NCAM1: variants seen among roughly 807,000 people sequenced by gnomAD.
NCAM1 encodes the protein neural cell adhesion molecule 1.
A neutral mutation model predicts 109.8 loss-of-function variants in NCAM1; 14 were observed. The observed-to-expected ratio is 0.13, with a 90% confidence interval of 0.08 to 0.20. The LOEUF (loss-of-function observed/expected upper bound fraction) is 0.20, where lower values mean the gene tolerates loss of function less well. Among genes scored for constraint, NCAM1 ranks in the 10% least tolerant of loss-of-function variants. NCAM1 has a pLI of 1.00. For missense variants in NCAM1, 774 were observed against 1,109.9 expected, an observed-to-expected ratio of 0.70 and a Z score of 4.30; for synonymous variants, 418 against 442.9, an observed-to-expected ratio of 0.94 and a Z score of 0.70.
At chr11:113,141,406 C>A (rs961354182) in intron 1 of NCAM1, among the ~76,000 whole-genome samples, 13 of 152,108 alleles carry the variant, frequency 8.5e-5, no homozygotes, top group Non-Finnish European at 2.9e-5. Context: ...CCGAGGTGGG[C>A]AGATCATGAG....
At chr11:113,047,242 CTAAG>C (rs1408733785) in intron 1 of NCAM1, among the ~76,000 whole-genome samples, 21 of 152,106 alleles carry the variant, frequency 1.4e-4, no homozygotes, top group Admixed American at 3.9e-4. Flanking sequence ...ATTTATTTAA[CTAAG>C]TATTTATTGA....
chr11:113,114,150 G>A (rs536404521), intron 1 of NCAM1, among the ~76,000 whole-genome samples: 1 of 152,264 alleles, frequency 6.6e-6, no homozygotes, highest in African/African-American at 2.4e-5. Flanking sequence ...TTGTCCTTAG[G>A]TGGACTCTCA....
At chr11:113,234,903 CAGAAATAG>C in intron 13 of NCAM1, 122 bp from the exon 14 acceptor site, 1 of 1,239,730 alleles carries the variant, frequency 8.1e-7, no homozygotes. Flanking sequence ...TGCATATGCC[CAGAAATAG>C]AATTGCTGGA....
At chr11:113,199,019 G>A (rs548028617) in intron 1 of NCAM1, among the ~76,000 whole-genome samples, 38 of 152,310 alleles carry the variant, frequency 2.5e-4, no homozygotes, top group African/African-American at 8.9e-4. Context: ...TCTTGGAGGC[G>A]TGGGAAGCAC....
At chr11:113,204,556 ACATGT>A in intron 3 of NCAM1, 52 bp downstream of exon 3, 2 of 1,554,540 alleles carry the variant, frequency 1.3e-6, no homozygotes, top group Non-Finnish European at 1.8e-6. Context: ...TGCCAAGGAG[ACATGT>A]GGGTAGTGGA....
chr11:113,256,819 C>T (rs1945846347), intron 16 of NCAM1, among the ~76,000 whole-genome samples: 1 of 152,154 alleles, frequency 6.6e-6, no homozygotes, highest in Non-Finnish European at 1.5e-5. Context: ...ATTTAGAGGC[C>T]ACATCTGAGC....
At position 113,063,172 on chromosome 11, in the gene NCAM1, T is replaced by C. The variant is rs182569138; in HGVS notation, c.52+101508T>C. On this transcript the variant is annotated intron_variant, in intron 1 of 19. Coordinates refer to ENST00000316851, the MANE Select transcript of NCAM1 (RefSeq NM_181351.5). ...AAGGTAAAGGAATATCAGTGAAAGATTTTAAGCAGAGGAGGATTATGAGTA... is the reference window on the plus strand; with the variant it reads ...AAGGTAAAGGAATATCAGTGAAAGACTTTAAGCAGAGGAGGATTATGAGTA... 1.4e-4 allele frequency among the ~76,000 whole-genome samples: 21 copies of C among 152,258 alleles called. No individual in the cohort carries two copies. In the East Asian group the frequency reaches 3.9e-3, roughly 28 times the overall value.
chr11:113,073,906 G>A (rs1467837865), intron 1 of NCAM1, among the ~76,000 whole-genome samples: 2 of 152,190 alleles, frequency 1.3e-5, no homozygotes, highest in South Asian at 2.1e-4. Context: ...AAATGTTCTT[G>A]TAAAGCATCC....
At chr11:113,037,659 C>T (rs989762948) in intron 1 of NCAM1, among the ~76,000 whole-genome samples, 1 of 152,236 alleles carries the variant, frequency 6.6e-6, no homozygotes, top group East Asian at 1.9e-4. Context: ...CGGTCAGTCA[C>T]GTTGGAGTCC....
intron 1 of NCAM1, among the ~76,000 whole-genome samples, chr11:113,059,507 C>T (rs1953842069): frequency 6.6e-6 from 1 of 152,198 alleles, no homozygotes. Context: ...TACCTCCATG[C>T]TCTTTGGCAT....
chr11:113,268,491 A>G (rs1946189482), intron 17 of NCAM1, among the ~76,000 whole-genome samples: 1 of 152,222 alleles, frequency 6.6e-6, no homozygotes. Flanking sequence ...AAGGGACTAA[A>G]AACATGTACG....
chr11:113,076,938 A>G (rs1469674376), intron 1 of NCAM1, among the ~76,000 whole-genome samples: 2 of 152,244 alleles, frequency 1.3e-5, no homozygotes, highest in African/African-American at 2.4e-5. Flanking sequence ...ATATGATTCA[A>G]TTTGATTGTG....
intron 1 of NCAM1, among the ~76,000 whole-genome samples, chr11:113,186,903 G>T (rs1263676348): frequency 5.3e-5 from 8 of 152,256 alleles, no homozygotes; most frequent in Non-Finnish European, 1.2e-4. Flanking sequence ...AGCATAGAGG[G>T]TGGCTTCTTG....
chr11:113,273,574 G>A lies in NCAM1; in HGVS notation c.2457-1693G>A, dbSNP rs1946337556. Reference sequence around the variant, plus strand: ...GTCAGCACCACAAACCCTTCCCAGGGCGAGGACTTTAAAATGGACGAAGGG... The same window carrying A: ...GTCAGCACCACAAACCCTTCCCAGGACGAGGACTTTAAAATGGACGAAGGG... On this transcript the variant is annotated intron_variant, in intron 19 of 19. Coordinates refer to ENST00000316851, the MANE Select transcript of NCAM1 (RefSeq NM_181351.5). The surrounding 1 kb of genome is among the most constrained non-coding windows in gnomAD (Gnocchi z 6.0). 2.4e-6 allele frequency: 1 copy of A among 418,342 alleles called. No individual in the cohort carries two copies. Among genetic ancestry groups the A allele is most frequent in the Non-Finnish European group, 4.9e-6 (1 of 202,988 alleles). 25.9% of individuals were successfully genotyped at this position (418,342 alleles called of 1,614,324 possible).
chr11:113,212,712 A>G (rs1449417961), intron 7 of NCAM1, among the ~76,000 whole-genome samples: 1 of 151,932 alleles, frequency 6.6e-6, no homozygotes, highest in Non-Finnish European at 1.5e-5. Flanking sequence ...CCTTTCTTTT[A>G]TTTTATTAAC....
At position 112,961,742 on chromosome 11, in the gene NCAM1, A is replaced by G; in HGVS notation, c.52+78A>G. On this transcript the variant is annotated intron_variant, in intron 1 of 19. Transcript: ENST00000316851. ...TCCTACTCCTAGGAGGAACGCTATT[A>G]TTTTGGGTGGTTTTACGTGGACTGC... The G allele has an allele frequency of 2.1e-6, 2 of 963,830 alleles. 1 individual carries two copies. Among genetic ancestry groups the G allele is most frequent in the South Asian group, 3.0e-5 (2 of 66,048 alleles). 59.7% of individuals were successfully genotyped at this position (963,830 alleles called of 1,614,324 possible). A position where few individuals can be genotyped will look rare whatever the true frequency, so the allele number is the denominator to read the frequency against.
intron 1 of NCAM1, among the ~76,000 whole-genome samples, chr11:113,069,067 C>G (rs1159703285): frequency 1.3e-5 from 2 of 152,072 alleles, no homozygotes; most frequent in African/African-American, 2.4e-5. Context: ...CTCCTATGTG[C>G]TGGGTATGGG....
At chr11:112,985,374 C>G (rs1358620865) in intron 1 of NCAM1, among the ~76,000 whole-genome samples, 1 of 151,374 alleles carries the variant, frequency 6.6e-6, no homozygotes, top group Non-Finnish European at 1.5e-5. Context: ...ATTGGCTATT[C>G]AGAGTCTTTT....
At chr11:113,066,035 G>C (rs1228293003) in intron 1 of NCAM1, among the ~76,000 whole-genome samples, 1 of 152,098 alleles carries the variant, frequency 6.6e-6, no homozygotes, top group Non-Finnish European at 1.5e-5. Context: ...CATGAGACAG[G>C]GTCACTGGCT....
Sources: allele counts gnomAD v4.1 joint callset (sites outside exome capture counted in the v4.1 genomes callset), GRCh38; gene constraint gnomAD v4.1.1; non-coding constraint Gnocchi (gnomAD v3.1); transcripts MANE v1.5; gene names NCBI Gene and HGNC (gene_info 2026-07-23, HGNC 2026-07-21).